Variants in NAA16 observed in about 807,000 individuals in gnomAD.
NAA16 encodes N-alpha-acetyltransferase 16, NatA auxiliary subunit.
Under a neutral mutation model 110.3 loss-of-function variants are expected in NAA16, and 97 were observed. The ratio of observed to expected loss-of-function variants is 0.88; its 90% CI spans 0.75 to 1.04. The LOEUF is 1.04. Among genes scored for constraint, NAA16 ranks in the 50% least tolerant of loss-of-function variants. NAA16 has a pLI of 0.00. For synonymous variants in NAA16, 372 were observed against 330.6 expected (o/e 1.13, Z -1.36); for missense variants, 1,017 against 1,005.1 (o/e 1.01, Z -0.16).
In NAA16 at chr13:41,328,846, A is replaced by G. The variant is rs1049927187; in HGVS notation, c.811+3A>G. 1.3e-6 allele frequency: 2 copies of G among 1,592,780 alleles called. No homozygotes were observed. The highest frequency in any genetic ancestry group is 1.7e-6 in the Non-Finnish European group (2 of 1,163,290). On this transcript the variant is annotated splice_donor_region_variant and intron_variant, in intron 7 of 19. Transcript: ENST00000379406. ...CTTGGAAAAAGCTCTACAAATTAGT[A>G]TGTAATGATTTTTCTCCTCTTTCTC...
rs930086702 is a variant in NAA16, at chr13:41,376,712, T to G, written c.*1110T>G. On this transcript the variant is annotated 3_prime_UTR_variant, in exon 20 of 20. Coordinates refer to ENST00000379406, the MANE Select transcript of NAA16 (RefSeq NM_024561.5). ...TTTTAATATCTCGGCAAAATGAGAT[T>G]TGAAACTCATTAGTTTAACTCTTAA... 6.6e-6 allele frequency: 1 copy of G among 152,236 alleles called. No homozygotes were observed. Among genetic ancestry groups the G allele is most frequent in the African/African-American group, 2.4e-5 (1 of 41,458 alleles). The allele number at this position is 152,236 out of a possible 1,614,324, so 9.4% of individuals were successfully genotyped here.
rs1411336419 is a variant in NAA16 at position 41,372,446 on chromosome 13, C to T, written c.2056+135C>T. ...CTACAAAGGCTCTTTTCCTTGGCTA[C>T]TCGAAACTTAGGTGGGTAATAAATT... On this transcript the variant is annotated intron_variant, in intron 16 of 19. Transcript: ENST00000379406. 3 of 1,344,194 alleles carry T rather than the reference C, an allele frequency of 2.2e-6. No individual in the cohort carries two copies. The African/African-American group carries it at 4.5e-5, about 20-fold the overall frequency. 83.3% of individuals were successfully genotyped at this position (1,344,194 alleles called of 1,614,324 possible). A position where few individuals can be genotyped will look rare whatever the true frequency, so the allele number is the denominator to read the frequency against.
Position 41,318,858 on chromosome 13 carries a change from A to C in NAA16, c.192A>C (p.Glu64Asp). The change falls in exon 3 of 20, where the codon GAA (glutamate) becomes GAC (aspartate). Residue 64 changes from glutamate (E) to aspartate (D), a missense_variant. Glu to Asp is a conservative substitution (Grantham distance 45). Transcript: ENST00000379406. Reference sequence around the variant, plus strand: ...TGAACTGTTTAGGAAAAAAAGAAGAAGCTTATGAGTTTGTTCGTAAAGGAC... The same window carrying C: ...TGAACTGTTTAGGAAAAAAAGAAGACGCTTATGAGTTTGTTCGTAAAGGAC... ...LTLNCLGKKE[E>D]AYEFVRKGLR... 1 of 1,604,822 alleles carries C rather than the reference A, an allele frequency of 6.2e-7. No individual in the cohort carries two copies. Among genetic ancestry groups the C allele is most frequent in the Non-Finnish European group, 8.5e-7 (1 of 1,175,842 alleles).
chr13:41,372,850 A>G lies in NAA16; in HGVS notation c.2155+20A>G, dbSNP rs938663107. The G allele has an allele frequency of 2.0e-6, 3 of 1,497,766 alleles. No homozygotes were observed. The highest frequency in any genetic ancestry group is 1.4e-5 in the African/African-American group (1 of 71,006). The allele number at this position is 1,497,766 out of a possible 1,614,324, so 92.8% of individuals were successfully genotyped here. A position where few individuals can be genotyped will look rare whatever the true frequency, so the allele number is the denominator to read the frequency against. On this transcript the variant is annotated intron_variant, in intron 17 of 19. Transcript: ENST00000379406. Reference sequence around the variant, plus strand: ...AATCTGGTAAGTATAAAAAAGGACCATATTTACATTTGTGAATTATTTCTA... The same window carrying G: ...AATCTGGTAAGTATAAAAAAGGACCGTATTTACATTTGTGAATTATTTCTA...
chr13:41,344,507 G>A (rs1195781286), intron 9 of NAA16, among the ~76,000 whole-genome samples: 2 of 152,206 alleles, frequency 1.3e-5, no homozygotes, highest in Admixed American at 1.3e-4. Context: ...CTGCAGTGAG[G>A]TGAGGTGTGC....
chr13:41,364,053 A>G (rs1005405704), intron 13 of NAA16, among the ~76,000 whole-genome samples: 1 of 127,088 alleles, frequency 7.9e-6, no homozygotes, highest in Non-Finnish European at 1.7e-5. Flanking sequence ...TAAAATTCTT[A>G]ATGATATCAT....
At chr13:41,373,874 A>G in intron 18 of NAA16, 94 bp downstream of exon 18, 2 of 1,465,504 alleles carry the variant, frequency 1.4e-6, no homozygotes, top group Non-Finnish European at 1.8e-6. Flanking sequence ...AATGAACAGT[A>G]CTGTGTGTAA....
chr13:41,325,962 A>T, intron 6 of NAA16, 111 bp downstream of exon 6: 1 of 783,336 alleles, frequency 1.3e-6, no homozygotes, highest in Non-Finnish European at 1.9e-6. Flanking sequence ...GCAAGGTTCC[A>T]AACACGATTA....
chr13:41,357,670 T>G (rs2139492018), intron 10 of NAA16, among the ~76,000 whole-genome samples: 1 of 152,352 alleles, frequency 6.6e-6, no homozygotes, highest in African/African-American at 2.4e-5. Flanking sequence ...TTGATATTTC[T>G]TTTCTGCTCC....
chr13:41,339,171 G>C (rs745311606), intron 9 of NAA16, among the ~76,000 whole-genome samples: 1 of 151,868 alleles, frequency 6.6e-6, no homozygotes, highest in Admixed American at 6.6e-5. Flanking sequence ...TCAGAGTTTC[G>C]CTCTTGTTGC....
intron 4 of NAA16, among the ~76,000 whole-genome samples, chr13:41,322,332 G>C (rs1280037793): frequency 6.6e-6 from 1 of 152,176 alleles, no homozygotes; most frequent in African/African-American, 2.4e-5. Flanking sequence ...CAGCATGGGA[G>C]CTGTGGGTAG....
chr13:41,311,599 C>T lies in NAA16; in HGVS notation c.54+17C>T, dbSNP rs1040718606. Reference sequence around the variant, plus strand: ...CGCATCTTGGTGAGTGGCCGTAGGCCGCGCTGCCGCCCCCCGGTCCCCGGG... The same window carrying T: ...CGCATCTTGGTGAGTGGCCGTAGGCTGCGCTGCCGCCCCCCGGTCCCCGGG... On this transcript the variant is annotated intron_variant, in intron 1 of 19. Transcript: ENST00000379406. 4.4e-6 allele frequency: 7 copies of T among 1,600,152 alleles called. No individual in the cohort carries two copies. The highest frequency in any genetic ancestry group is 6.0e-6 in the Non-Finnish European group (7 of 1,174,106).
Position 41,358,334 on chromosome 13 carries a change from T to G in NAA16, c.1118T>G (p.Leu373Arg). Residue 373 changes from leucine to arginine, a missense_variant, in exon 11 of 20, where the codon CTA (leucine) becomes CGA (arginine). Leu to Arg is a moderately radical substitution (Grantham distance 102, BLOSUM62 -2). Transcript: ENST00000379406. ...GGGGAGAAGGAACCCCCGACAACAC[T>G]ACTCTGGGTTCAGTATTTCCTGGCA... The part of the protein sequence containing the change: ...ENGEKEPPTT[L>R]LWVQYFLAQH... The G allele has an allele frequency of 6.2e-7, 1 of 1,613,990 alleles. No homozygotes were observed.
At chr13:41,353,725 C>A (rs1268594191) in intron 9 of NAA16, among the ~76,000 whole-genome samples, 1 of 151,766 alleles carries the variant, frequency 6.6e-6, no homozygotes, top group Non-Finnish European at 1.5e-5. Flanking sequence ...GACTATCACA[C>A]CACTGCACTC....
At chr13:41,367,802 T>C (rs563970414) in intron 14 of NAA16, 150 bp downstream of exon 14, 6 of 543,758 alleles carry the variant, frequency 1.1e-5, no homozygotes, top group Non-Finnish European at 1.9e-5. Flanking sequence ...ACAAAAATGT[T>C]GCAGAGAGAG....
chr13:41,351,181 G>A (rs2042826101), intron 9 of NAA16, among the ~76,000 whole-genome samples: 1 of 152,178 alleles, frequency 6.6e-6, no homozygotes, highest in Admixed American at 6.5e-5. Context: ...AATACGTAAA[G>A]CATTGGTGTG....
In NAA16 at chr13:41,311,309, G is replaced by A; in HGVS notation, c.-220G>A. 2 of 544,442 alleles carry A rather than the reference G, an allele frequency of 3.7e-6. No individual in the cohort carries two copies. Among genetic ancestry groups the A allele is most frequent in the Admixed American group, 3.8e-5 (1 of 26,488 alleles). The allele number at this position is 544,442 out of a possible 1,614,324, so 33.7% of individuals were successfully genotyped here. ...CCGCCGCCGCCGCTGGCCAAAAAGC[G>A]GAGCCCAGGGGAAGCGTGTCCTGCT... On this transcript the variant is annotated 5_prime_UTR_variant, in exon 1 of 20. Transcript: ENST00000379406.
At chr13:41,329,142 T>C (rs2042169647) in intron 7 of NAA16, among the ~76,000 whole-genome samples, 1 of 151,974 alleles carries the variant, frequency 6.6e-6, no homozygotes, top group African/African-American at 2.4e-5. Flanking sequence ...AGTAGGGACA[T>C]GGGAAAGAAA....
At chr13:41,358,166 TTTGAAATTAGTA>T (rs1370891524) in intron 10 of NAA16, 126 bp from the exon 11 acceptor site, 1 of 737,096 alleles carries the variant, frequency 1.4e-6, no homozygotes. Flanking sequence ...ACCTCTTTCT[TTTGAAATTAGTA>T]GTTTTTGCTG....
Sources: gnomAD v4.1 joint callset for allele counts (sites outside exome capture counted in the v4.1 genomes callset) on GRCh38, gnomAD v4.1.1 for gene constraint, MANE v1.5 for transcripts, NCBI Gene and HGNC (gene_info 2026-07-23, HGNC 2026-07-21) for gene names.